SKP1: variants seen among roughly 807,000 people sequenced by gnomAD.
SKP1 encodes the protein S-phase kinase associated protein 1, also known as S-phase kinase-associated protein 1.
A neutral mutation model predicts 21.5 loss-of-function variants in SKP1; 1 was observed. The observed-to-expected ratio is 0.05, with a 90% CI of 0.02 to 0.22. The LOEUF (loss-of-function observed/expected upper bound fraction) is 0.22, where lower values mean the gene tolerates loss of function less well. Ranked by LOEUF, SKP1 falls within the 10% of genes least tolerant of loss-of-function variation. The pLI is 1.00. For synonymous variants in SKP1, 59 were observed against 59.3 expected (o/e 0.99, Z 0.03); for missense variants, 70 against 192.0 (o/e 0.36, Z 3.76).
intron 2 of SKP1, chr5:134,173,672 C>G: frequency 9.0e-6 from 5 of 558,584 alleles, no homozygotes; most frequent in South Asian, 7.8e-5. Context: ...TTGCCTAAGG[C>G]TTGGCAATCA....
chr5:134,149,562 C>G lies in SKP1; in HGVS notation c.*8171G>C, dbSNP rs1269431793. ...ATAAAGTCATTTTCCAGAACAGCGT[C>G]TATTTAAAGTAGGCCACTGGAAGTT... On this transcript the variant is annotated 3_prime_UTR_variant, in exon 6 of 6. Transcript: ENST00000353411. 4.6e-5 allele frequency: 7 copies of G among 152,272 alleles called. No individual in the cohort carries two copies. The highest frequency in any genetic ancestry group is 2.6e-4 in the Admixed American group (4 of 15,286). The allele number at this position is 152,272 out of a possible 1,614,324, so 9.4% of individuals were successfully genotyped here.
At chr5:134,166,356 G>T (rs1580929139) in intron 3 of SKP1, among the ~76,000 whole-genome samples, 1 of 151,738 alleles carries the variant, frequency 6.6e-6, no homozygotes, top group Middle Eastern at 3.4e-3. Flanking sequence ...GCTGAGGTGG[G>T]CAGATCATGA....
rs1267195553 is a variant in SKP1, at chr5:134,157,687, G to A, written c.*46C>T. 6.9e-7 allele frequency: 1 copy of A among 1,447,618 alleles called. No individual in the cohort carries two copies. Among genetic ancestry groups the A allele is most frequent in the Non-Finnish European group, 9.7e-7 (1 of 1,029,286 alleles). 89.7% of individuals were successfully genotyped at this position (1,447,618 alleles called of 1,614,324 possible). A position where few individuals can be genotyped will look rare whatever the true frequency, so the allele number is the denominator to read the frequency against. ...AATTATAAACAGAGCAGTGCAACTAGTATTTGGAACAATCCTTACAGTGTT... is the reference window on the plus strand; with the variant it reads ...AATTATAAACAGAGCAGTGCAACTAATATTTGGAACAATCCTTACAGTGTT... On this transcript the variant is annotated 3_prime_UTR_variant, in exon 6 of 6. Coordinates refer to ENST00000353411, the MANE Select transcript of SKP1 (RefSeq NM_170679.3).
rs574620590 is a variant in SKP1 at position 134,154,530 on chromosome 5, T to A, written c.*3203A>T. 6.7e-6 allele frequency: 1 copy of A among 148,226 alleles called. No homozygotes were observed. Among genetic ancestry groups the A allele is most frequent in the Admixed American group, 6.8e-5 (1 of 14,686 alleles). The allele number at this position is 148,226 out of a possible 1,614,324, so 9.2% of individuals were successfully genotyped here. A position where few individuals can be genotyped will look rare whatever the true frequency, so the allele number is the denominator to read the frequency against. ...TATGACAATGTTAAGGAGAAAATAA[T>A]AAGCTAACATTCAGGAAGGTTTTGG... On this transcript the variant is annotated 3_prime_UTR_variant, in exon 6 of 6. Transcript: ENST00000353411.
At chr5:134,158,418 G>A (rs1201445692) in intron 5 of SKP1, 37 bp downstream of exon 5, 2 of 1,613,760 alleles carry the variant, frequency 1.2e-6, no homozygotes, top group East Asian at 2.2e-5. Flanking sequence ...CCCTTTTTAA[G>A]AGCATGTGAT....
intron 4 of SKP1, among the ~76,000 whole-genome samples, chr5:134,160,375 T>A (rs991493869): frequency 6.6e-6 from 1 of 151,516 alleles, no homozygotes; most frequent in Admixed American, 6.6e-5. Flanking sequence ...TATATATATA[T>A]AATATTTTAT....
intron 4 of SKP1, among the ~76,000 whole-genome samples, chr5:134,158,874 C>A (rs1293041051): frequency 6.6e-6 from 1 of 152,182 alleles, no homozygotes; most frequent in Non-Finnish European, 1.5e-5. Context: ...TGTACACATG[C>A]ACACAAATAC....
intron 2 of SKP1, among the ~76,000 whole-genome samples, chr5:134,168,985 T>A (rs1255153321): frequency 6.6e-6 from 1 of 151,994 alleles, no homozygotes; most frequent in Non-Finnish European, 1.5e-5. Context: ...GAGACTATCA[T>A]CAAGCAAATG....
Position 134,155,958 on chromosome 5 carries a change from A to G in SKP1, c.*1775T>C, listed in dbSNP as rs1761113637. On this transcript the variant is annotated 3_prime_UTR_variant, in exon 6 of 6. Transcript: ENST00000353411. ...TATAGGCATGCACCATATGACTGCT[A>G]ATTTTTTTTTTTTTTTTTGGAGAGA... is the stretch of plus-strand genomic sequence containing the variant. 6.6e-6 allele frequency: 1 copy of G among 150,658 alleles called. No individual in the cohort carries two copies. The highest frequency in any genetic ancestry group is 1.5e-5 in the Non-Finnish European group (1 of 67,740). 9.3% of individuals were successfully genotyped at this position (150,658 alleles called of 1,614,324 possible). A position where few individuals can be genotyped will look rare whatever the true frequency, so the allele number is the denominator to read the frequency against.
rs987485597 is a variant in SKP1 at position 134,154,636 on chromosome 5, C to T, written c.*3097G>A. On this transcript the variant is annotated 3_prime_UTR_variant, in exon 6 of 6. Transcript: ENST00000353411. ...TGCCATGGAGTCCTTGAAAGGACTT[C>T]ATCATTAAAAGCAGCACACTGCAGA... 3.9e-5 allele frequency: 6 copies of T among 152,052 alleles called. No individual in the cohort carries two copies. The highest frequency in any genetic ancestry group is 1.4e-4 in the African/African-American group (6 of 41,398). 9.4% of individuals were successfully genotyped at this position (152,052 alleles called of 1,614,324 possible).
rs1333931243 is a variant in SKP1 at position 134,149,618 on chromosome 5, G to A, written c.*8115C>T. 2 of 152,250 alleles carry A rather than the reference G, an allele frequency of 1.3e-5. No homozygotes were observed. The highest frequency in any genetic ancestry group is 6.5e-5 in the Admixed American group (1 of 15,286). 9.4% of individuals were successfully genotyped at this position (152,250 alleles called of 1,614,324 possible). On this transcript the variant is annotated 3_prime_UTR_variant, in exon 6 of 6. Coordinates refer to ENST00000353411, the MANE Select transcript of SKP1 (RefSeq NM_170679.3). Reference sequence around the variant, plus strand: ...CCCAGACTTGCTTTTGCTTCTGAGAGAGTGCTAGAGGACACTAGCCATTCT... The same window carrying A: ...CCCAGACTTGCTTTTGCTTCTGAGAAAGTGCTAGAGGACACTAGCCATTCT...
At position 134,156,852 on chromosome 5, in the gene SKP1, C is replaced by T. The variant is rs1761128779; in HGVS notation, c.*881G>A. The stretch of plus-strand genomic sequence containing the variant: ...TTAAGTGAAGAGACACATTTAAGTC[C>T]ACAAAAGCAAACTTAACTACCTACT... On this transcript the variant is annotated 3_prime_UTR_variant, in exon 6 of 6. Transcript: ENST00000353411. The T allele has an allele frequency of 6.6e-6, 1 of 152,620 alleles. No homozygotes were observed. The highest frequency in any genetic ancestry group is 6.5e-5 in the Admixed American group (1 of 15,284). 9.5% of individuals were successfully genotyped at this position (152,620 alleles called of 1,614,324 possible).
rs1344602500 is a variant in SKP1, at chr5:134,152,482, C to G, written c.*5251G>C. ...CCAAATTAGTTTCACTTTACAAAAC[C>G]TTTCGTAGCACCTTTCAGCTCTGTA... is the stretch of plus-strand genomic sequence containing the variant. On this transcript the variant is annotated 3_prime_UTR_variant, in exon 6 of 6. Coordinates refer to ENST00000353411, the MANE Select transcript of SKP1 (RefSeq NM_170679.3). 1 of 152,244 alleles carries G rather than the reference C, an allele frequency of 6.6e-6. No homozygotes were observed. Among genetic ancestry groups the G allele is most frequent in the Non-Finnish European group, 1.5e-5 (1 of 68,096 alleles). The allele number at this position is 152,244 out of a possible 1,614,324, so 9.4% of individuals were successfully genotyped here.
chr5:134,171,890 C>A (rs1561723176), intron 2 of SKP1, among the ~76,000 whole-genome samples: 1 of 152,078 alleles, frequency 6.6e-6, no homozygotes, highest in African/African-American at 2.4e-5. Context: ...ACTAAAAATA[C>A]AAAATTTGCC....
chr5:134,168,722 G>C (rs1251142279), intron 2 of SKP1, among the ~76,000 whole-genome samples: 1 of 152,064 alleles, frequency 6.6e-6, no homozygotes, highest in East Asian at 1.9e-4. Flanking sequence ...CCAACAGATG[G>C]CAAGTAGAAT....
At chr5:134,163,770 A>G (rs1452314850) in intron 3 of SKP1, among the ~76,000 whole-genome samples, 1 of 151,880 alleles carries the variant, frequency 6.6e-6, no homozygotes, top group Non-Finnish European at 1.5e-5. Flanking sequence ...AGCCCAGGCA[A>G]CACAGTGAGG....
In SKP1 at chr5:134,150,778, T is replaced by A. The variant is rs1465060872; in HGVS notation, c.*6955A>T. The A allele has an allele frequency of 6.6e-6, 1 of 152,162 alleles. No homozygotes were observed. The highest frequency in any genetic ancestry group is 2.1e-4 in the South Asian group (1 of 4,828). 9.4% of individuals were successfully genotyped at this position (152,162 alleles called of 1,614,324 possible). ...TCTCAAATCACCCTATGGGCATCTT[T>A]CAAATTCTGACTCCTGAGCTCTTCT... On this transcript the variant is annotated 3_prime_UTR_variant, in exon 6 of 6. Coordinates refer to ENST00000353411, the MANE Select transcript of SKP1 (RefSeq NM_170679.3).
At chr5:134,163,714 C>T (rs566017969) in intron 3 of SKP1, among the ~76,000 whole-genome samples, 81 of 151,990 alleles carry the variant, frequency 5.3e-4, no homozygotes, top group Non-Finnish European at 9.6e-4. Context: ...CACCTGAACC[C>T]GGGAGGTAGA....
intron 3 of SKP1, 133 bp downstream of exon 3, chr5:134,167,037 A>C: frequency 1.6e-6 from 1 of 612,270 alleles, no homozygotes; most frequent in South Asian, 2.1e-5. Flanking sequence ...GTAAGTGTTT[A>C]AGAACATTCA....
Sources: allele counts gnomAD v4.1 joint callset (sites outside exome capture counted in the v4.1 genomes callset), GRCh38; gene constraint gnomAD v4.1.1; transcripts MANE v1.5; gene names NCBI Gene and HGNC (gene_info 2026-07-23, HGNC 2026-07-21).